The following SEMA6D variants were observed in gnomAD, a reference collection of about 807,000 sequenced individuals.
The protein encoded by SEMA6D is semaphorin-6D.
SEMA6D carries 35 observed loss-of-function variants against 106.6 expected under a neutral mutation model. That is an observed-to-expected ratio of 0.33 (90% CI 0.25 to 0.44). SEMA6D has a LOEUF of 0.44. Among genes scored for constraint, SEMA6D ranks in the 20% least tolerant of loss-of-function variants. SEMA6D has a pLI of 1.00. For synonymous variants in SEMA6D, 499 were observed against 487.7 expected (o/e 1.02, Z -0.31); for missense variants, 1,185 against 1,345.9 (o/e 0.88, Z 1.87).
At chr15:47,240,904 A>G (rs998594121) in intron 1 of SEMA6D, among the ~76,000 whole-genome samples, 1 of 152,184 alleles carries the variant, frequency 6.6e-6, no homozygotes, top group African/African-American at 2.4e-5. Flanking sequence ...ATATTAAAAC[A>G]TAAATATGGT....
At chr15:47,755,289 T>G (rs993248383) in intron 1 of SEMA6D, among the ~76,000 whole-genome samples, 34 of 152,302 alleles carry the variant, frequency 2.2e-4, no homozygotes, top group African/African-American at 7.9e-4. Flanking sequence ...ATTCCAGTTT[T>G]CTGGTGAAAT....
At chr15:47,628,460 G>A (rs1191078480) in intron 4 of SEMA6D, among the ~76,000 whole-genome samples, 1 of 151,938 alleles carries the variant, frequency 6.6e-6, no homozygotes, top group East Asian at 1.9e-4. Context: ...CATTCTGATG[G>A]GTGTGAAATG....
chr15:47,535,149 G>T (rs1251200375), intron 3 of SEMA6D, among the ~76,000 whole-genome samples: 2 of 150,998 alleles, frequency 1.3e-5, no homozygotes, highest in Non-Finnish European at 2.9e-5. Flanking sequence ...GACAGGAAAA[G>T]ACCTTTCAGA....
Position 47,762,300 on chromosome 15 carries a change from T to C in SEMA6D, c.639T>C (p.Tyr213=), listed in dbSNP as rs1459325194. ...GDGSALRTIK[Y]DSKWIKEPHF... ...GATCTGCCCTTCGCACAATAAAATA[T>C]GATTCCAAATGGATAAAAGGTACCT... Residue 213 remains tyrosine (Y), a synonymous_variant, in exon 8 of 19, where the codon TAT becomes TAC. Coordinates refer to ENST00000536845, the MANE Select transcript of SEMA6D (RefSeq NM_001358351.3). 5 of 1,613,544 alleles carry C rather than the reference T, an allele frequency of 3.1e-6. No homozygotes were observed. Among genetic ancestry groups the C allele is most frequent in the South Asian group, 1.1e-5 (1 of 91,078 alleles).
chr15:47,203,709 T>C (rs1182846882), intron 1 of SEMA6D, among the ~76,000 whole-genome samples: 5 of 152,204 alleles, frequency 3.3e-5, no homozygotes, highest in African/African-American at 1.2e-4. Context: ...AGTGTCAACC[T>C]TGACCCTTTA....
At chr15:47,441,650 TC>T (rs2041887013) in intron 2 of SEMA6D, among the ~76,000 whole-genome samples, 1 of 152,126 alleles carries the variant, frequency 6.6e-6, no homozygotes, top group African/African-American at 2.4e-5. Flanking sequence ...CTTAGAAGAT[TC>T]CAATATACTG....
chr15:47,618,345 G>A (rs1430424321), intron 4 of SEMA6D, among the ~76,000 whole-genome samples: 2 of 152,192 alleles, frequency 1.3e-5, no homozygotes, highest in African/African-American at 4.8e-5. Context: ...TCTGACCGAG[G>A]CTCTAAAAGG....
intron 1 of SEMA6D, among the ~76,000 whole-genome samples, chr15:47,187,018 T>G (rs1327350354): frequency 6.6e-6 from 1 of 152,162 alleles, no homozygotes; most frequent in East Asian, 1.9e-4. Flanking sequence ...AAAAAGTCCT[T>G]GTGAAGCCAT....
At chr15:47,198,259 T>C (rs1894492232) in intron 1 of SEMA6D, among the ~76,000 whole-genome samples, 1 of 152,116 alleles carries the variant, frequency 6.6e-6, no homozygotes, top group Admixed American at 6.6e-5. Context: ...AAGAAATCCA[T>C]TGTACAAATG....
At chr15:47,234,999 C>T (rs867188371) in intron 1 of SEMA6D, among the ~76,000 whole-genome samples, 1 of 151,994 alleles carries the variant, frequency 6.6e-6, no homozygotes, top group Non-Finnish European at 1.5e-5. Context: ...ACCACATCCA[C>T]CCAACATCTA....
At chr15:47,659,746 G>A (rs1312193242) in intron 4 of SEMA6D, among the ~76,000 whole-genome samples, 17 of 152,044 alleles carry the variant, frequency 1.1e-4, no homozygotes, top group Non-Finnish European at 2.5e-4. Flanking sequence ...CTAAGGTCAT[G>A]AATACACAGG....
At chr15:47,244,020 A>G (rs2033070830) in intron 1 of SEMA6D, among the ~76,000 whole-genome samples, 1 of 152,178 alleles carries the variant, frequency 6.6e-6, no homozygotes. Context: ...GATAAGTGGT[A>G]TAAATAAAAA....
chr15:47,679,428 C>A (rs998880724), intron 4 of SEMA6D, among the ~76,000 whole-genome samples: 1 of 152,136 alleles, frequency 6.6e-6, no homozygotes, highest in African/African-American at 2.4e-5. Flanking sequence ...AAAAGTACTT[C>A]TTTGGCCTTG....
intron 4 of SEMA6D, among the ~76,000 whole-genome samples, chr15:47,651,346 G>T (rs1006962097): frequency 1.3e-4 from 20 of 152,114 alleles, no homozygotes; most frequent in Non-Finnish European, 2.2e-4. Flanking sequence ...GGAGGCTGCA[G>T]TGAGCTATGA....
chr15:47,652,785 T>G, intron 4 of SEMA6D, among the ~76,000 whole-genome samples: 1 of 152,186 alleles, frequency 6.6e-6, no homozygotes, highest in Admixed American at 6.5e-5. Flanking sequence ...TTTCTCTTAT[T>G]TAAGGAAATG....
intron 4 of SEMA6D, among the ~76,000 whole-genome samples, chr15:47,705,874 G>A (rs2078903612): frequency 6.6e-6 from 1 of 152,176 alleles, no homozygotes; most frequent in Non-Finnish European, 1.5e-5. Context: ...ACCTTCAGTG[G>A]ATAGCCACAC....
At chr15:47,246,128 A>G (rs2033182543) in intron 1 of SEMA6D, among the ~76,000 whole-genome samples, 1 of 152,162 alleles carries the variant, frequency 6.6e-6, no homozygotes, top group South Asian at 2.1e-4. Context: ...GCAGGGAACA[A>G]ATTTACCCCA....
At chr15:47,198,614 C>CCA (rs1894518258) in intron 1 of SEMA6D, among the ~76,000 whole-genome samples, 1 of 152,048 alleles carries the variant, frequency 6.6e-6, no homozygotes, top group African/African-American at 2.4e-5. Context: ...ATCTTTCACA[C>CCA]CAAGGGTGGT....
At chr15:47,537,831 G>A (rs1281256965) in intron 3 of SEMA6D, among the ~76,000 whole-genome samples, 3 of 152,178 alleles carry the variant, frequency 2.0e-5, no homozygotes, top group African/African-American at 7.2e-5. Context: ...CAGTGGGAAT[G>A]GGAATGCTGG....
Sources: allele counts gnomAD v4.1 joint callset (sites outside exome capture counted in the v4.1 genomes callset), GRCh38; gene constraint gnomAD v4.1.1; transcripts MANE v1.5; gene names NCBI Gene and HGNC (gene_info 2026-07-23, HGNC 2026-07-21).